Variants in ABI2 observed in about 807,000 individuals in gnomAD.
ABI2 encodes the protein abelson interactor 2.
A neutral mutation model predicts 59.2 loss-of-function variants in ABI2; 25 were observed. That is an observed-to-expected ratio of 0.42 (90% confidence interval 0.31 to 0.59). The LOEUF (loss-of-function observed/expected upper bound fraction) is 0.59. Among genes scored for constraint, ABI2 ranks in the 20% least tolerant of loss-of-function variants. The pLI is 0.14. For synonymous variants in ABI2, 213 were observed against 235.5 expected (o/e 0.90, Z 0.87); for missense variants, 545 against 681.8 (o/e 0.80, Z 2.23).
intron 1 of ABI2, chr2:203,329,164 A>G (rs1320286653): frequency 6.6e-6 from 1 of 152,318 alleles, no homozygotes; most frequent in African/African-American, 2.4e-5. Context: ...ATACGGTAGA[A>G]GAGCAGCAGT....
In ABI2 at chr2:203,364,846, A is replaced by G. The variant is rs371440191; in HGVS notation, c.118-2031A>G. Among the ~76,000 whole-genome samples, 26 of 150,532 alleles carry G rather than the reference A, an allele frequency of 1.7e-4. No individual in the cohort carries two copies. In the East Asian group the frequency reaches 4.9e-3, roughly 28 times the overall value. On this transcript the variant is annotated intron_variant, in intron 1 of 11. Coordinates refer to ENST00000261018, the MANE Select transcript of ABI2 (RefSeq NM_001375670.1). ...GCTTCTGGGCTCAAGTCATCCTCCC[A>G]CCTCAACCTCTCTAGTAGATAGGAC...
At chr2:203,342,657 G>A (rs979207113) in intron 1 of ABI2, among the ~76,000 whole-genome samples, 3 of 151,638 alleles carry the variant, frequency 2.0e-5, no homozygotes, top group Admixed American at 2.0e-4. Context: ...TCAGCTCACT[G>A]CAGCCTCTGC....
chr2:203,351,538 T>TG (rs1326078017), intron 1 of ABI2: 3 of 433,786 alleles, frequency 6.9e-6, no homozygotes, highest in African/African-American at 4.2e-5. Context: ...TTTAGTTTTT[T>TG]TTTTTTTTTC....
intron 2 of ABI2, among the ~76,000 whole-genome samples, chr2:203,371,007 G>A (rs952307934): frequency 3.9e-5 from 6 of 152,182 alleles, no homozygotes; most frequent in Admixed American, 3.9e-4. Flanking sequence ...AAAGATCAGG[G>A]CATCTAGGCT....
chr2:203,390,729 A>T (rs752002322), intron 4 of ABI2, among the ~76,000 whole-genome samples: 1 of 152,334 alleles, frequency 6.6e-6, no homozygotes, highest in East Asian at 1.9e-4. Context: ...AAAATTTTGT[A>T]GTTATTCTAT....
Position 203,395,854 on chromosome 2 carries a change from G to A in ABI2, c.850+74G>A, listed in dbSNP as rs191639624. The A allele has an allele frequency of 8.4e-6, 12 of 1,421,360 alleles. No homozygotes were observed. In the South Asian group the frequency reaches 1.3e-4, roughly 16 times the overall value. The allele number at this position is 1,421,360 out of a possible 1,614,324, so 88.0% of individuals were successfully genotyped here. A position where few individuals can be genotyped will look rare whatever the true frequency, so the allele number is the denominator to read the frequency against. ...TTCAATTTGTGATTTAATTATGGTGGGCTTTCTTCGTAATCAGGATTTTTT... is the reference window on the plus strand; with the variant it reads ...TTCAATTTGTGATTTAATTATGGTGAGCTTTCTTCGTAATCAGGATTTTTT... On this transcript the variant is annotated intron_variant, in intron 7 of 11. Transcript: ENST00000261018.
intron 2 of ABI2, among the ~76,000 whole-genome samples, chr2:203,377,839 G>A (rs1194685388): frequency 1.3e-5 from 2 of 152,302 alleles, no homozygotes; most frequent in Admixed American, 6.5e-5. Flanking sequence ...CTGAGAGGTC[G>A]AGGATGCAGT....
chr2:203,360,403 T>G (rs2093320566), intron 1 of ABI2, among the ~76,000 whole-genome samples: 1 of 152,052 alleles, frequency 6.6e-6, no homozygotes, highest in African/African-American at 2.4e-5. Flanking sequence ...GTGGAGCAGA[T>G]TATTTGGCTT....
At chr2:203,380,533 G>T in intron 3 of ABI2, 149 bp downstream of exon 3, 1 of 442,666 alleles carries the variant, frequency 2.3e-6, no homozygotes, top group Non-Finnish European at 3.9e-6. Context: ...TACTATAACT[G>T]TTTTACCCTT....
chr2:203,402,565 C>A lies in ABI2; in HGVS notation c.1034-11C>A. 1 of 1,465,830 alleles carries A rather than the reference C, an allele frequency of 6.8e-7. No homozygotes were observed. Among genetic ancestry groups the A allele is most frequent in the Non-Finnish European group, 9.0e-7 (1 of 1,106,546 alleles). The allele number at this position is 1,465,830 out of a possible 1,614,324, so 90.8% of individuals were successfully genotyped here. A position where few individuals can be genotyped will look rare whatever the true frequency, so the allele number is the denominator to read the frequency against. ...TTTTAATGACATATGTATGTTCTAT[C>A]TCTTTTTCAGGTCATCCTGTACAGT... On this transcript the variant is annotated splice_polypyrimidine_tract_variant and intron_variant, in intron 8 of 11. Transcript: ENST00000261018.
At chr2:203,369,468 A>G (rs1416412130) in intron 2 of ABI2, among the ~76,000 whole-genome samples, 1 of 152,142 alleles carries the variant, frequency 6.6e-6, no homozygotes, top group East Asian at 1.9e-4. Context: ...TAGCAAGCTC[A>G]AGGAGGAAGG....
At chr2:203,337,122 T>C (rs1043125599) in intron 1 of ABI2, among the ~76,000 whole-genome samples, 1 of 152,140 alleles carries the variant, frequency 6.6e-6, no homozygotes, top group African/African-American at 2.4e-5. Flanking sequence ...TTTAATCAAG[T>C]ACTGCAAAGT....
rs534318117 is a variant in ABI2, at chr2:203,395,885, T to C, written c.850+105T>C. The C allele has an allele frequency of 7.7e-5, 100 of 1,298,136 alleles. No individual in the cohort carries two copies. The African/African-American group carries it at 1.4e-3, about 18-fold the overall frequency. The allele number at this position is 1,298,136 out of a possible 1,614,324, so 80.4% of individuals were successfully genotyped here. On this transcript the variant is annotated intron_variant, in intron 7 of 11. Transcript: ENST00000261018. ...CTTCGTAATCAGGATTTTTTTTCTTTAGGAATCATAAATATTGGGAAGTCT... is the reference window on the plus strand; with the variant it reads ...CTTCGTAATCAGGATTTTTTTTCTTCAGGAATCATAAATATTGGGAAGTCT...
rs2096956648 is a variant in ABI2 at position 203,395,763 on chromosome 2, C to T, written c.833C>T (p.Pro278Leu). Residue 278 changes from proline (P) to leucine (L), a missense_variant, in exon 7 of 12, where the codon CCT becomes CTT. By Grantham distance (98) the Pro-to-Leu change is moderately conservative (BLOSUM62 -3). Transcript: ENST00000261018. ...GVPIAVPTPS[P>L]PSVFPAPAGS... ...CCTATTGCTGTTCCTACTCCATCTCCTCCCAGTGTCTTTCCAGGTAAAACA... is the reference window on the plus strand; with the variant it reads ...CCTATTGCTGTTCCTACTCCATCTCTTCCCAGTGTCTTTCCAGGTAAAACA... 6.3e-7 allele frequency: 1 copy of T among 1,598,062 alleles called. No homozygotes were observed. Among genetic ancestry groups the T allele is most frequent in the Non-Finnish European group, 8.5e-7 (1 of 1,172,652 alleles).
At chr2:203,415,380 G>A (rs1340254045) in intron 10 of ABI2, among the ~76,000 whole-genome samples, 1 of 152,110 alleles carries the variant, frequency 6.6e-6, no homozygotes, top group East Asian at 1.9e-4. Context: ...CACTTTGGGA[G>A]GCCGAGGTGG....
chr2:203,329,308 A>G (rs919588851), intron 1 of ABI2: 6 of 70,282 alleles, frequency 8.5e-5, no homozygotes, highest in Non-Finnish European at 1.9e-4. Context: ...ACTGTTTCTT[A>G]GAGAGAATTG....
chr2:203,398,953 A>T (rs543993181), intron 8 of ABI2, among the ~76,000 whole-genome samples: 1 of 152,254 alleles, frequency 6.6e-6, no homozygotes, highest in East Asian at 1.9e-4. Context: ...CCTTTCTCAG[A>T]GGACATTTAG....
chr2:203,392,338 AC>A (rs2153367260), intron 5 of ABI2, among the ~76,000 whole-genome samples: 1 of 144,972 alleles, frequency 6.9e-6, no homozygotes, highest in African/African-American at 2.6e-5. Flanking sequence ...AACAACAACA[AC>A]AACAAAACAA....
intron 9 of ABI2, among the ~76,000 whole-genome samples, chr2:203,410,098 C>G (rs1350829217): frequency 6.6e-6 from 1 of 152,176 alleles, no homozygotes; most frequent in East Asian, 1.9e-4. Context: ...ACTTGATTAT[C>G]TTTCTCAACC....
Sources: allele counts gnomAD v4.1 joint callset (sites outside exome capture counted in the v4.1 genomes callset), GRCh38; gene constraint gnomAD v4.1.1; transcripts MANE v1.5; gene names NCBI Gene and HGNC (gene_info 2026-07-23, HGNC 2026-07-21).